The following IGDCC4 variants were observed in gnomAD, a reference collection of about 807,000 sequenced individuals.
The protein encoded by IGDCC4 is likely ortholog of mouse neighbor of Punc E11.
IGDCC4 carries 72 observed loss-of-function variants against 116.6 expected under a neutral mutation model. The observed-to-expected ratio is 0.62, with a 90% CI of 0.51 to 0.75. The LOEUF (loss-of-function observed/expected upper bound fraction) is 0.75. Among genes scored for constraint, IGDCC4 ranks in the 30% least tolerant of loss-of-function variants. IGDCC4 has a pLI of 0.00. For missense variants in IGDCC4, 1,501 were observed against 1,662.4 expected (o/e 0.90, Z 1.69); for synonymous variants, 709 against 719.9 (o/e 0.98, Z 0.24).
At chr15:65,406,472 A>G (rs868521885) in intron 3 of IGDCC4, among the ~76,000 whole-genome samples, 2 of 152,156 alleles carry the variant, frequency 1.3e-5, no homozygotes, top group South Asian at 4.1e-4. Context: ...TAGTATGAGT[A>G]CCGGGGATTT....
chr15:65,389,173 T>C, intron 14 of IGDCC4, 111 bp downstream of exon 14: 2 of 1,458,742 alleles, frequency 1.4e-6, no homozygotes, highest in Non-Finnish European at 1.8e-6. Flanking sequence ...GAAACTCTTC[T>C]GCCCCCAGCT....
At chr15:65,400,727 C>T (rs1009484505) in intron 5 of IGDCC4, 79 bp downstream of exon 5, 18 of 1,508,886 alleles carry the variant, frequency 1.2e-5, no homozygotes, top group Non-Finnish European at 1.6e-5. Flanking sequence ...GTCACCCATA[C>T]ATCCCCCTGA....
Position 65,411,180 on chromosome 15 carries a change from C to T in IGDCC4, c.261G>A (p.Leu87=), listed in dbSNP as rs1567092849. Residue 87 remains leucine (L), a synonymous_variant, in exon 2 of 20, where the codon CTG becomes CTA. Transcript: ENST00000352385. ...DTLLEHDHLH[L]LPNGSLWLSQ... is the part of the protein sequence containing the mutation. ...ACAGCCACAGGGAACCATTGGGCAG[C>T]AGGTGTAAGTGGTCGTGCTCCAGCA... The T allele has an allele frequency of 6.2e-7, 1 of 1,614,220 alleles. No homozygotes were observed. The highest frequency in any genetic ancestry group is 2.2e-5 in the East Asian group (1 of 44,878).
rs142509886 is a variant in IGDCC4, at chr15:65,388,962, T to A, written c.2553A>T (p.Pro851=). 360 of 1,600,710 alleles carry A rather than the reference T, an allele frequency of 2.2e-4. No homozygotes were observed. Among genetic ancestry groups the A allele is most frequent in the Non-Finnish European group, 2.8e-4 (329 of 1,174,370 alleles). The stretch of plus-strand genomic sequence containing the variant: ...TCAGGGGGCTCAGTCGCAGGTCGGA[T>A]GGGGGTGTGGAGGGCCCTGGGGTGC... ...STLPDRPSTP[P]SDLRLSPLTP... Residue 851 remains proline (P), a synonymous_variant, in exon 15 of 20, where the codon CCA becomes CCT. Coordinates refer to ENST00000352385, the MANE Select transcript of IGDCC4 (RefSeq NM_020962.3).
chr15:65,394,609 A>G (rs1595781194), intron 8 of IGDCC4, 61 bp from the exon 9 acceptor site: 2 of 1,511,296 alleles, frequency 1.3e-6, no homozygotes, highest in East Asian at 2.3e-5. Context: ...GAGGCTCGGG[A>G]GCGGTCAGAG....
intron 1 of IGDCC4, among the ~76,000 whole-genome samples, chr15:65,414,663 C>A (rs1284293068): frequency 1.3e-5 from 2 of 152,168 alleles, no homozygotes; most frequent in Non-Finnish European, 2.9e-5. Flanking sequence ...TTTGTTCTTG[C>A]GACAGTTGTG....
rs1363370384 is a variant in IGDCC4 at position 65,384,316 on chromosome 15, T to C, written c.3446A>G (p.His1149Arg). ...FSASNGNPDLHLQDLEPEDPL... is the reference protein window; with the variant it reads ...FSASNGNPDLRLQDLEPEDPL... ...GTCCTCAGGCTCCAGGTCTTGGAGA[T>C]GGAGGTCAGGGTTCCCGTTAGATGC... Residue 1149 changes from histidine to arginine, a missense_variant, in exon 20 of 20, where the codon CAT (histidine) becomes CGT (arginine). Physicochemically the swap from His to Arg is conservative, Grantham distance 29. Transcript: ENST00000352385. The surrounding 1 kb of genome is among the most constrained non-coding windows in gnomAD (Gnocchi z 4.9). 2 of 1,606,568 alleles carry C rather than the reference T, an allele frequency of 1.2e-6. No homozygotes were observed.
intron 3 of IGDCC4, among the ~76,000 whole-genome samples, chr15:65,406,808 C>T (rs937590229): frequency 1.3e-5 from 2 of 152,110 alleles, no homozygotes; most frequent in Non-Finnish European, 2.9e-5. Context: ...AGTCCAAAAA[C>T]TGGCAGCTCT....
chr15:65,394,515 C>A lies in IGDCC4; in HGVS notation c.1610G>T (p.Ser537Ile). ...CACCCTGATGTCCGAAGGGTTGGGG[C>A]TGGACAGGGAGAGCTGGGGTGCTGC... ...PSAAPQLSLS[S>I]PNPSDIRVAW... is the part of the protein sequence containing the mutation. Residue 537 changes from serine to isoleucine, a missense_variant, in exon 9 of 20, where the codon AGC becomes ATC. Physicochemically the swap from Ser to Ile is moderately radical, Grantham distance 142. Coordinates refer to ENST00000352385, the MANE Select transcript of IGDCC4 (RefSeq NM_020962.3). 6.2e-7 allele frequency: 1 copy of A among 1,611,784 alleles called. No homozygotes were observed. Among genetic ancestry groups the A allele is most frequent in the South Asian group, 1.1e-5 (1 of 90,796 alleles).
At chr15:65,388,651 A>G (rs1409449140) in intron 15 of IGDCC4, 65 bp from the exon 16 acceptor site, 1 of 1,597,450 alleles carries the variant, frequency 6.3e-7, no homozygotes, top group East Asian at 2.2e-5. Context: ...AGAGGTGGGC[A>G]GGGAGGGGAC....
intron 10 of IGDCC4, among the ~76,000 whole-genome samples, chr15:65,392,959 A>G (rs1200374622): frequency 6.6e-6 from 1 of 152,238 alleles, no homozygotes; most frequent in Admixed American, 6.5e-5. Flanking sequence ...CTAGTGTCGC[A>G]TAGAGAGCAT....
At chr15:65,410,647 G>A (rs773552129) in intron 2 of IGDCC4, 34 of 463,144 alleles carry the variant, frequency 7.3e-5, no homozygotes, top group African/African-American at 4.5e-4. Flanking sequence ...AGGCTGGAGC[G>A]TGGGGTTTGG....
chr15:65,390,484 A>G lies in IGDCC4; in HGVS notation c.2225-146T>C, dbSNP rs930203929. The G allele has an allele frequency of 1.0e-5, 6 of 576,386 alleles. No homozygotes were observed. The South Asian group carries it at 2.3e-4, about 22-fold the overall frequency. 35.7% of individuals were successfully genotyped at this position (576,386 alleles called of 1,614,324 possible). ...GTGGCATCATTCCTACTTCACAGAT[A>G]AGGCAATTGAGGCTTCCAAGAATTT... On this transcript the variant is annotated intron_variant, in intron 12 of 19. Coordinates refer to ENST00000352385, the MANE Select transcript of IGDCC4 (RefSeq NM_020962.3).
chr15:65,403,256 T>C (rs1253233228), intron 3 of IGDCC4, among the ~76,000 whole-genome samples: 2 of 152,208 alleles, frequency 1.3e-5, no homozygotes, highest in South Asian at 2.1e-4. Context: ...TGTGTGCTGA[T>C]AGAGGGCCAT....
intron 4 of IGDCC4, among the ~76,000 whole-genome samples, chr15:65,402,073 A>G (rs1316063988): frequency 6.6e-6 from 1 of 152,172 alleles, no homozygotes; most frequent in Non-Finnish European, 1.5e-5. Context: ...CTCTGTCCCC[A>G]GCCTTCGACA....
rs1421052976 is a variant in IGDCC4 at position 65,382,298 on chromosome 15, G to A, written c.*1711C>T. 1 of 151,898 alleles carries A rather than the reference G, an allele frequency of 6.6e-6. No individual in the cohort carries two copies. Among genetic ancestry groups the A allele is most frequent in the Non-Finnish European group, 1.5e-5 (1 of 67,972 alleles). 9.4% of individuals were successfully genotyped at this position (151,898 alleles called of 1,614,324 possible). On this transcript the variant is annotated 3_prime_UTR_variant, in exon 20 of 20. Coordinates refer to ENST00000352385, the MANE Select transcript of IGDCC4 (RefSeq NM_020962.3). ...GCTGGCTGAAGGAGGGGGAGGAGGTGGAAACGTAGGTGCAGACATCAACAG... is the reference window on the plus strand; with the variant it reads ...GCTGGCTGAAGGAGGGGGAGGAGGTAGAAACGTAGGTGCAGACATCAACAG...
In IGDCC4 at chr15:65,381,745, T is replaced by C. The variant is rs1373051061; in HGVS notation, c.*2264A>G. ...GTAGGTGACAAAGGGATTAATACCC[T>C]GTAAAAGGCCAATAGATTCTTTTCT... On this transcript the variant is annotated 3_prime_UTR_variant, in exon 20 of 20. Transcript: ENST00000352385. 6.6e-6 allele frequency: 1 copy of C among 152,460 alleles called. No homozygotes were observed. The highest frequency in any genetic ancestry group is 1.5e-5 in the Non-Finnish European group (1 of 68,034). The allele number at this position is 152,460 out of a possible 1,614,324, so 9.4% of individuals were successfully genotyped here.
chr15:65,401,357 C>T (rs1033646450), intron 4 of IGDCC4, among the ~76,000 whole-genome samples: 2 of 152,208 alleles, frequency 1.3e-5, no homozygotes, highest in African/African-American at 4.8e-5. Context: ...CTCCAAAAGG[C>T]CTTGGATTTC....
At position 65,422,783 on chromosome 15, in the gene IGDCC4, C is replaced by T; in HGVS notation, c.70+10G>A. 7.5e-7 allele frequency: 1 copy of T among 1,326,780 alleles called. No homozygotes were observed. Among genetic ancestry groups the T allele is most frequent in the Non-Finnish European group, 9.6e-7 (1 of 1,038,880 alleles). The allele number at this position is 1,326,780 out of a possible 1,614,324, so 82.2% of individuals were successfully genotyped here. On this transcript the variant is annotated intron_variant, in intron 1 of 19. Coordinates refer to ENST00000352385, the MANE Select transcript of IGDCC4 (RefSeq NM_020962.3). ...CAGTCGCTCCTGCCTCTCCGGGCGC[C>T]CGCCCTTACCGCGCGCGGCCAACAG...
Sources: gnomAD v4.1 joint callset for allele counts (sites outside exome capture counted in the v4.1 genomes callset) on GRCh38, gnomAD v4.1.1 for gene constraint, Gnocchi (gnomAD v3.1) non-coding constraint, MANE v1.5 for transcripts, NCBI Gene and HGNC (gene_info 2026-07-23, HGNC 2026-07-21) for gene names.